The following TARBP1 variants were observed in gnomAD, a reference collection of about 807,000 sequenced individuals.
TARBP1 encodes the protein tRNA guanosine 2 -O-methyltransferase TARBP1, also known as tRNA (guanosine(18)-2'-O)-methyltransferase TARBP1.
A neutral mutation model predicts 178.6 loss-of-function variants in TARBP1; 144 were observed. That is an observed-to-expected ratio of 0.81 (90% confidence interval 0.70 to 0.93). The LOEUF is 0.93. Ranked by LOEUF, TARBP1 falls within the 40% of genes least tolerant of loss-of-function variation. The probability of loss-of-function intolerance (pLI) is 0.00; values close to 1 mark genes in which losing one functional copy is unlikely to be tolerated. For synonymous variants in TARBP1, 787 were observed against 781.0 expected, an observed-to-expected ratio of 1.01 and a Z score of -0.13; for missense variants, 2,067 against 2,011.7, an observed-to-expected ratio of 1.03 and a Z score of -0.53.
chr1:234,412,318 A>T (rs1344285779), intron 22 of TARBP1, among the ~76,000 whole-genome samples: 1 of 151,888 alleles, frequency 6.6e-6, no homozygotes, highest in African/African-American at 2.4e-5. Context: ...GTTACCTGGG[A>T]GGCTGAGGCA....
At chr1:234,453,503 CTTTG>C (rs1183600225) in intron 9 of TARBP1, among the ~76,000 whole-genome samples, 4 of 151,744 alleles carry the variant, frequency 2.6e-5, no homozygotes, top group East Asian at 3.9e-4. Flanking sequence ...ACTCTCTGCA[CTTTG>C]TTTAATTTTT....
intron 11 of TARBP1, among the ~76,000 whole-genome samples, chr1:234,447,859 T>A (rs1439088801): frequency 6.6e-6 from 1 of 152,218 alleles, no homozygotes; most frequent in Non-Finnish European, 1.5e-5. Flanking sequence ...CCTAAACTTA[T>A]ACTGGAATCT....
chr1:234,427,652 A>G lies in TARBP1; in HGVS notation c.3175T>C (p.Leu1059=). 1.3e-6 allele frequency: 2 copies of G among 1,597,016 alleles called. No homozygotes were observed. Among genetic ancestry groups the G allele is most frequent in the Non-Finnish European group, 1.7e-6 (2 of 1,175,134 alleles). Reference sequence around the variant, plus strand: ...TCGCTATAATTTTTAGCACTTGATAAAGATCCTTGGGACACATTTGAAGCA... The same window carrying G: ...TCGCTATAATTTTTAGCACTTGATAGAGATCCTTGGGACACATTTGAAGCA... The part of the protein sequence containing the change: ...VSASNVSQGS[L]SSAKNYSELI... The change falls in exon 18 of 30, where the codon TTA becomes CTA. Residue 1059 remains leucine, a synonymous_variant. Coordinates refer to ENST00000040877, the MANE Select transcript of TARBP1 (RefSeq NM_005646.4).
At chr1:234,392,687 G>C in intron 28 of TARBP1, 135 bp from the exon 29 acceptor site, 48 of 634,696 alleles carry the variant, frequency 7.6e-5, no homozygotes, top group Non-Finnish European at 9.6e-5. Flanking sequence ...TTATAAAAAA[G>C]AACTCTCCCA....
At position 234,406,039 on chromosome 1, in the gene TARBP1, T is replaced by C; in HGVS notation, c.3853A>G (p.Ser1285Gly). The C allele has an allele frequency of 6.2e-7, 1 of 1,614,178 alleles. No individual in the cohort carries two copies. Among genetic ancestry groups the C allele is most frequent in the Non-Finnish European group, 8.5e-7 (1 of 1,180,034 alleles). Reference protein sequence around the residue: ...VLQWCFNHNFSVRLYALVALK... With the variant: ...VLQWCFNHNFGVRLYALVALK... ...GCAACTAAAGCATACAGTCGAACACTAAAATTGTGATTGAAACACCACTGC... is the reference window on the plus strand; with the variant it reads ...GCAACTAAAGCATACAGTCGAACACCAAAATTGTGATTGAAACACCACTGC... The change falls in exon 24 of 30, where the codon AGT becomes GGT. Residue 1285 changes from serine to glycine, a missense_variant. Coordinates refer to ENST00000040877, the MANE Select transcript of TARBP1 (RefSeq NM_005646.4).
chr1:234,419,035 G>C (rs1662767535), intron 21 of TARBP1, among the ~76,000 whole-genome samples: 2 of 152,040 alleles, frequency 1.3e-5, no homozygotes, highest in Non-Finnish European at 2.9e-5. Context: ...AGCCGGGTGA[G>C]GTGGTGGGCG....
At chr1:234,460,447 G>C in intron 6 of TARBP1, 51 bp from the exon 7 acceptor site, 1 of 1,595,708 alleles carries the variant, frequency 6.3e-7, no homozygotes, top group South Asian at 1.1e-5. Flanking sequence ...CACATGAAAA[G>C]AAGCTCAATA....
intron 8 of TARBP1, among the ~76,000 whole-genome samples, chr1:234,458,702 A>C (rs1339598229): frequency 6.6e-6 from 1 of 152,202 alleles, no homozygotes; most frequent in Admixed American, 6.5e-5. Flanking sequence ...TATTCCTTGA[A>C]TGTCGATACA....
At position 234,472,818 on chromosome 1, in the gene TARBP1, T is replaced by A; in HGVS notation, c.932-7A>T. 1 of 1,586,628 alleles carries A rather than the reference T, an allele frequency of 6.3e-7. No individual in the cohort carries two copies. Among genetic ancestry groups the A allele is most frequent in the South Asian group, 1.2e-5 (1 of 84,880 alleles). On this transcript the variant is annotated splice_polypyrimidine_tract_variant and splice_region_variant and intron_variant, in intron 1 of 29. Transcript: ENST00000040877. ...CACCAAAACAGACTTGGGCCTGATA[T>A]GGTTTAAAAAAGAAAATTAGTTCTT... is the stretch of plus-strand genomic sequence containing the variant.
At position 234,457,672 on chromosome 1, in the gene TARBP1, T is replaced by C; in HGVS notation, c.1717A>G (p.Thr573Ala). 6.2e-7 allele frequency: 1 copy of C among 1,604,500 alleles called. No individual in the cohort carries two copies. Among genetic ancestry groups the C allele is most frequent in the South Asian group, 1.1e-5 (1 of 90,022 alleles). Residue 573 changes from threonine (T) to alanine (A), a missense_variant, in exon 9 of 30, where the codon ACA becomes GCA. Coordinates refer to ENST00000040877, the MANE Select transcript of TARBP1 (RefSeq NM_005646.4). ...ESLGRGTSLW[T>A]ELCDWLRVNE... is the part of the protein sequence containing the mutation. ...TAAATTATCTTTAATCTCACCTCTG[T>C]CCACAATGAAGTTCCTCGTCCTAAG...
intron 24 of TARBP1, 91 bp downstream of exon 24, chr1:234,405,812 A>C (rs1213646040): frequency 1.6e-6 from 2 of 1,239,890 alleles, no homozygotes; most frequent in Non-Finnish European, 1.1e-6. Context: ...AGGATGTGGA[A>C]GGAGAAGCTG....
At chr1:234,439,189 A>G (rs930623961) in intron 12 of TARBP1, among the ~76,000 whole-genome samples, 2 of 152,246 alleles carry the variant, frequency 1.3e-5, no homozygotes, top group African/African-American at 4.8e-5. Flanking sequence ...ACAAAGGAAG[A>G]GCAAAAGAGA....
chr1:234,406,816 C>T (rs1661292357), intron 23 of TARBP1: 1 of 152,184 alleles, frequency 6.6e-6, no homozygotes, highest in African/African-American at 2.4e-5. Context: ...CAGACGGACC[C>T]AAACTTTTAA....
chr1:234,392,370 AGTC>A, intron 29 of TARBP1, 43 bp downstream of exon 29: 3 of 1,589,544 alleles, frequency 1.9e-6, no homozygotes, highest in Non-Finnish European at 2.6e-6. Context: ...ATCTTCCAGT[AGTC>A]TGGGGCTCAG....
Position 234,403,908 on chromosome 1 carries a change from G to A in TARBP1, c.3989+1995C>T, listed in dbSNP as rs532110317. Among the ~76,000 whole-genome samples, 9 of 152,198 alleles carry A rather than the reference G, an allele frequency of 5.9e-5. No homozygotes were observed. In the South Asian group the frequency reaches 6.2e-4, roughly 11 times the overall value. On this transcript the variant is annotated intron_variant, in intron 24 of 29. Transcript: ENST00000040877. ...TCACCATGTTGGTCAGGCTGGTCTC[G>A]AACTCCTGACCTCAGGCGATCCACC...
At chr1:234,420,851 T>C in intron 20 of TARBP1, 39 bp from the exon 21 acceptor site, 1 of 1,213,880 alleles carries the variant, frequency 8.2e-7, no homozygotes, top group Non-Finnish European at 1.2e-6. Context: ...TTAAATTATC[T>C]ATTGAATTTG....
chr1:234,470,031 C>T (rs1019802068), intron 3 of TARBP1, among the ~76,000 whole-genome samples: 1 of 152,186 alleles, frequency 6.6e-6, no homozygotes, highest in Non-Finnish European at 1.5e-5. Context: ...CTTTGGGAGG[C>T]TGAGGCAGGT....
Position 234,393,472 on chromosome 1 carries a change from AG to A in TARBP1, c.4449del (p.Cys1484ValfsTer35), listed in dbSNP as rs1222542272. On this transcript the variant is annotated frameshift_variant, in exon 28 of 30. Transcript: ENST00000040877. LOFTEE classifies it high-confidence loss of function. ...KPTNLGGLCR[T>X]CEVFGASVLV... ...AGCACTGAAGCCCCAAATACCTCAC[AG>A]GTCCTGCACAGTCCTGCACAGAACA... is the stretch of plus-strand genomic sequence containing the variant. 1.2e-6 allele frequency: 2 copies of A among 1,604,828 alleles called. No individual in the cohort carries two copies. The highest frequency in any genetic ancestry group is 2.7e-5 in the African/African-American group (2 of 74,454).
chr1:234,405,260 A>G (rs532447836), intron 24 of TARBP1: 1 of 152,342 alleles, frequency 6.6e-6, no homozygotes, highest in South Asian at 2.1e-4. Context: ...TATGATAATA[A>G]TAAAAAGGCA....
Sources: gnomAD v4.1 joint callset for allele counts (sites outside exome capture counted in the v4.1 genomes callset) on GRCh38, gnomAD v4.1.1 for gene constraint, MANE v1.5 for transcripts, NCBI Gene and HGNC (gene_info 2026-07-23, HGNC 2026-07-21) for gene names.